AGBL1: variants seen among roughly 807,000 people sequenced by gnomAD.
AGBL1 encodes AGBL carboxypeptidase 1, also known as cytosolic carboxypeptidase 4.
In AGBL1, 130 loss-of-function variants were observed where a neutral mutation model predicts 118.9. The observed-to-expected ratio is 1.09, with a 90% CI of 0.95 to 1.26. The LOEUF (loss-of-function observed/expected upper bound fraction) is 1.26. Ranked by LOEUF, AGBL1 falls within the 50% of genes most tolerant of loss-of-function variation. The pLI is 0.00. For synonymous variants in AGBL1, 555 were observed against 478.9 expected (o/e 1.16, Z -2.08); for missense variants, 1,584 against 1,298.1 (o/e 1.22, Z -3.38).
At position 86,603,855 on chromosome 15, in the gene AGBL1, T is replaced by G. The variant is rs554705124; in HGVS notation, c.2994+49318T>G. On this transcript the variant is annotated intron_variant, in intron 21 of 22. Coordinates refer to ENST00000614907, the MANE Select transcript of AGBL1 (RefSeq NM_001386094.1). ...TGTTTTTGTTGTTGTTGTTGTTGTTTTTGTTTTTCTACTATAGCCCCTGAG... is the reference window on the plus strand; with the variant it reads ...TGTTTTTGTTGTTGTTGTTGTTGTTGTTGTTTTTCTACTATAGCCCCTGAG... 6.6e-4 allele frequency among the ~76,000 whole-genome samples: 100 copies of G among 152,266 alleles called. 1 individual carries two copies. The South Asian group carries it at 0.018, about 28-fold the overall frequency.
chr15:86,638,203 C>T (rs1228398084), intron 21 of AGBL1, among the ~76,000 whole-genome samples: 1 of 152,146 alleles, frequency 6.6e-6, no homozygotes, highest in Non-Finnish European at 1.5e-5. Context: ...GTAGCCCAGT[C>T]AAGTTAAAGA....
At chr15:86,144,786 A>AACCTGCACAT (rs1406848286) in intron 3 of AGBL1, among the ~76,000 whole-genome samples, 5 of 152,226 alleles carry the variant, frequency 3.3e-5, no homozygotes, top group Non-Finnish European at 7.3e-5. Context: ...CTATGTAACA[A>AACCTGCACAT]ACCTGCACAT....
In AGBL1 at chr15:86,196,879, G is replaced by GCACACACA. The variant is rs59632011; in HGVS notation, c.489-27995_489-27988dup. On this transcript the variant is annotated intron_variant, in intron 5 of 22. Transcript: ENST00000614907. ...CGAATGTGCACATGTGCGCGCGCGC[G>GCACACACA]CACACACACACACACACACACACAC... 6.3e-3 allele frequency among the ~76,000 whole-genome samples: 742 copies of GCACACACA among 116,952 alleles called. 7 individuals carry two copies. The highest frequency in any genetic ancestry group is 0.019 in the Middle Eastern group (4 of 216). 76.7% of individuals were successfully genotyped at this position (116,952 alleles called of 152,430 possible). A position where few individuals can be genotyped will look rare whatever the true frequency, so the allele number is the denominator to read the frequency against.
At chr15:86,323,957 C>G (rs1475557156) in intron 17 of AGBL1, among the ~76,000 whole-genome samples, 1 of 152,168 alleles carries the variant, frequency 6.6e-6, no homozygotes, top group African/African-American at 2.4e-5. Flanking sequence ...TGTTGAGCTG[C>G]TGTATATCCC....
chr15:86,544,769 G>C (rs953267108), intron 19 of AGBL1, among the ~76,000 whole-genome samples: 1 of 152,148 alleles, frequency 6.6e-6, no homozygotes, highest in Admixed American at 6.5e-5. Flanking sequence ...TGGGAACACA[G>C]CCAAACCATA....
chr15:86,748,678 A>G (rs932595735), intron 22 of AGBL1, among the ~76,000 whole-genome samples: 1 of 151,416 alleles, frequency 6.6e-6, no homozygotes, highest in Admixed American at 6.6e-5. Flanking sequence ...ATCTTGAATT[A>G]ATTTTTGTAT....
At chr15:86,272,518 G>A (rs773806115) in intron 15 of AGBL1, among the ~76,000 whole-genome samples, 2 of 152,018 alleles carry the variant, frequency 1.3e-5, no homozygotes, top group East Asian at 1.9e-4. Context: ...AATTACTAGC[G>A]GCCTCTAAAA....
Position 86,615,968 on chromosome 15 carries a change from C to T in AGBL1, c.2995-58305C>T, listed in dbSNP as rs1176684534. Among the ~76,000 whole-genome samples the T allele has an allele frequency of 6.6e-6, 1 of 151,764 alleles. No individual in the cohort carries two copies. Among genetic ancestry groups the T allele is most frequent in the Non-Finnish European group, 1.5e-5 (1 of 67,954 alleles). On this transcript the variant is annotated intron_variant, in intron 21 of 22. Transcript: ENST00000614907. The surrounding 1 kb of genome is among the most constrained non-coding windows in gnomAD (Gnocchi z 4.3). ...ACTCCCACGGAAGTGGAAGGTAAAC[C>T]ACAGAAGAAAAGAGTTTCAGGAGGT...
intron 17 of AGBL1, among the ~76,000 whole-genome samples, chr15:86,372,676 C>A (rs558444343): frequency 2.0e-5 from 3 of 152,360 alleles, no homozygotes; most frequent in South Asian, 2.1e-4. Context: ...GCTACCTCTA[C>A]AATGTCACCT....
At chr15:86,504,771 G>A (rs1354032790) in intron 18 of AGBL1, among the ~76,000 whole-genome samples, 1 of 151,600 alleles carries the variant, frequency 6.6e-6, no homozygotes, top group East Asian at 1.9e-4. Flanking sequence ...ATAATTACAG[G>A]TTATGCCATT....
chr15:86,328,954 A>G (rs767374923), intron 17 of AGBL1, among the ~76,000 whole-genome samples: 30 of 152,196 alleles, frequency 2.0e-4, no homozygotes, highest in Non-Finnish European at 3.8e-4. Context: ...GTCTTGGGCC[A>G]GAGATTAGAG....
intron 24 of AGBL1, among the ~76,000 whole-genome samples, chr15:87,013,078 A>C (rs1252692546): frequency 1.3e-5 from 2 of 152,182 alleles, no homozygotes; most frequent in Admixed American, 6.5e-5. Flanking sequence ...AATTAGTTTA[A>C]CATTTCTGAC....
At chr15:86,208,199 A>C (rs1223216794) in intron 5 of AGBL1, among the ~76,000 whole-genome samples, 1 of 152,028 alleles carries the variant, frequency 6.6e-6, no homozygotes, top group Non-Finnish European at 1.5e-5. Context: ...AAGCTTTTTG[A>C]TGTGCTGCTG....
intron 22 of AGBL1, among the ~76,000 whole-genome samples, chr15:86,704,046 T>C (rs1409048337): frequency 6.6e-6 from 1 of 152,096 alleles, no homozygotes; most frequent in African/African-American, 2.4e-5. Flanking sequence ...AGAAAAGGAT[T>C]TCCTACTTAA....
intron 5 of AGBL1, among the ~76,000 whole-genome samples, chr15:86,196,871 GCGCGCGCGCACACACACACA>G (rs2077815922): frequency 8.0e-5 from 8 of 99,628 alleles, no homozygotes; most frequent in South Asian, 4.6e-4. Flanking sequence ...GCACATGTGC[GCGCGCGCGCACACACACACA>G]CACACACACA....
At position 86,556,212 on chromosome 15, in the gene AGBL1, C is replaced by A. The variant is rs373683335; in HGVS notation, c.2994+1675C>A. The A allele has an allele frequency of 2.4e-5, 39 of 1,610,466 alleles. No individual in the cohort carries two copies. In the Middle Eastern group the frequency reaches 5.0e-4, roughly 20 times the overall value. On this transcript the variant is annotated intron_variant, in intron 21 of 22. Coordinates refer to ENST00000614907, the MANE Select transcript of AGBL1 (RefSeq NM_001386094.1). Reference sequence around the variant, plus strand: ...ATAGGTTCAGGCCCTCACCAACTCTCTACTGTGCAGTGTACACAGAGGCTG... The same window carrying A: ...ATAGGTTCAGGCCCTCACCAACTCTATACTGTGCAGTGTACACAGAGGCTG...
At chr15:86,129,495 C>G (rs1012170653) in intron 1 of AGBL1, among the ~76,000 whole-genome samples, 2 of 152,174 alleles carry the variant, frequency 1.3e-5, no homozygotes, top group Non-Finnish European at 2.9e-5. Context: ...ATTTCATTAT[C>G]CCCATTAGGT....
chr15:86,422,383 A>T (rs1027632616), intron 18 of AGBL1, among the ~76,000 whole-genome samples: 7 of 152,110 alleles, frequency 4.6e-5, no homozygotes, highest in Non-Finnish European at 7.4e-5. Context: ...GAAATAAAGA[A>T]ATTCTCTGAA....
intron 19 of AGBL1, among the ~76,000 whole-genome samples, chr15:86,542,175 G>A (rs2142243814): frequency 6.6e-6 from 1 of 152,196 alleles, no homozygotes; most frequent in East Asian, 1.9e-4. Flanking sequence ...CATAATGTAG[G>A]GGAGAGTATG....
Sources: allele counts gnomAD v4.1 joint callset (sites outside exome capture counted in the v4.1 genomes callset), GRCh38; gene constraint gnomAD v4.1.1; non-coding constraint Gnocchi (gnomAD v3.1); transcripts MANE v1.5; gene names NCBI Gene and HGNC (gene_info 2026-07-23, HGNC 2026-07-21).